ZDHHC14: variants seen among roughly 807,000 people sequenced by gnomAD.
The protein encoded by ZDHHC14 is palmitoyltransferase ZDHHC14.
ZDHHC14 carries 16 observed loss-of-function variants against 47.7 expected under a neutral mutation model. The observed-to-expected ratio is 0.34, with a 90% CI of 0.23 to 0.51. The LOEUF is 0.51. ZDHHC14 is among the 20% of genes least tolerant of loss of function. The probability of loss-of-function intolerance (pLI) is 0.97; values close to 1 mark genes in which losing one functional copy is unlikely to be tolerated. For missense variants in ZDHHC14, 515 were observed against 662.5 expected (o/e 0.78, Z 2.44); for synonymous variants, 293 against 278.9 (o/e 1.05, Z -0.50).
intron 3 of ZDHHC14, among the ~76,000 whole-genome samples, chr6:157,601,471 T>G (rs895334163): frequency 3.9e-5 from 6 of 152,170 alleles, no homozygotes; most frequent in African/African-American, 1.4e-4. Flanking sequence ...AGTTTTTTTA[T>G]GTTTAGTAGG....
chr6:157,478,603 C>T (rs1013392604), intron 1 of ZDHHC14, among the ~76,000 whole-genome samples: 2 of 152,098 alleles, frequency 1.3e-5, no homozygotes, highest in African/African-American at 4.8e-5. Context: ...AAGAATGGTA[C>T]CTTTACGATT....
At position 157,382,017 on chromosome 6, in the gene ZDHHC14, C is replaced by T. The variant is rs749170122; in HGVS notation, c.-5C>T. 12 of 1,490,478 alleles carry T rather than the reference C, an allele frequency of 8.1e-6. No homozygotes were observed. The South Asian group carries it at 9.2e-5, about 11-fold the overall frequency. The allele number at this position is 1,490,478 out of a possible 1,614,324, so 92.3% of individuals were successfully genotyped here. A position where few individuals can be genotyped will look rare whatever the true frequency, so the allele number is the denominator to read the frequency against. On this transcript the variant is annotated 5_prime_UTR_variant, in exon 1 of 9. Transcript: ENST00000359775. The stretch of plus-strand genomic sequence containing the variant: ...GTGTGCGCCCCCAGCCGGCTGCCCT[C>T]GTGGATGCCTCCCGGCGGCGGCGGG...
Position 157,602,506 on chromosome 6 carries a change from A to AAAG in ZDHHC14, c.565+9362_565+9363insGAA, listed in dbSNP as rs71027354. 5.2e-3 allele frequency among the ~76,000 whole-genome samples: 761 copies of AAAG among 145,452 alleles called. 5 individuals carry two copies. The highest frequency in any genetic ancestry group is 6.7e-3 in the Admixed American group (98 of 14,550). ...CTCCGTTTCAAAAAAAAAAAAAAAAAAACGCATTCAGTGCCACCGGGAGCT... is the reference window on the plus strand; with the variant it reads ...CTCCGTTTCAAAAAAAAAAAAAAAAAAAGAACGCATTCAGTGCCACCGGGAGCT... On this transcript the variant is annotated intron_variant, in intron 3 of 8. Transcript: ENST00000359775.
chr6:157,662,329 G>A (rs144726872), intron 8 of ZDHHC14, among the ~76,000 whole-genome samples: 9 of 152,272 alleles, frequency 5.9e-5, no homozygotes, highest in East Asian at 1.9e-4. Context: ...TTACAGGTGC[G>A]CGCCATCATG....
rs1245064574 is a variant in ZDHHC14 at position 157,678,088 on chromosome 6, A to G, written c.*4966A>G. 6.6e-6 allele frequency: 1 copy of G among 152,238 alleles called. No homozygotes were observed. The highest frequency in any genetic ancestry group is 1.5e-5 in the Non-Finnish European group (1 of 68,044). The allele number at this position is 152,238 out of a possible 1,614,324, so 9.4% of individuals were successfully genotyped here. A position where few individuals can be genotyped will look rare whatever the true frequency, so the allele number is the denominator to read the frequency against. Reference sequence around the variant, plus strand: ...GTTTTAATCAATGTTTGCAGAATTTATCTTAAACCTGAGATGAATTAAAAA... The same window carrying G: ...GTTTTAATCAATGTTTGCAGAATTTGTCTTAAACCTGAGATGAATTAAAAA... On this transcript the variant is annotated 3_prime_UTR_variant, in exon 9 of 9. Transcript: ENST00000359775.
intron 3 of ZDHHC14, among the ~76,000 whole-genome samples, chr6:157,618,006 TAG>T (rs756769899): frequency 2.6e-5 from 4 of 152,248 alleles, no homozygotes; most frequent in African/African-American, 4.8e-5. Flanking sequence ...CCGTAATTTC[TAG>T]AGAGTCATTG....
chr6:157,634,520 C>T (rs552991810), intron 5 of ZDHHC14, among the ~76,000 whole-genome samples: 11 of 152,346 alleles, frequency 7.2e-5, no homozygotes, highest in African/African-American at 2.4e-4. Flanking sequence ...TTCCTCAAAG[C>T]TCATAGCCAA....
intron 1 of ZDHHC14, among the ~76,000 whole-genome samples, chr6:157,412,570 G>T (rs550737164): frequency 6.6e-6 from 1 of 152,220 alleles, no homozygotes; most frequent in African/African-American, 2.4e-5. Context: ...TGGGATTACA[G>T]GTGTGAGCCA....
At chr6:157,458,849 A>ATTTTTTTTTTTTTTTTTTTTGTTTT (rs1778993174) in intron 1 of ZDHHC14, among the ~76,000 whole-genome samples, 1 of 81,226 alleles carries the variant, frequency 1.2e-5, no homozygotes, top group South Asian at 5.3e-4. Flanking sequence ...ATGTGGGTGG[A>ATTTTTTTTTTTTTTTTTTTTGTTTT]TTTTTTTTTT....
intron 1 of ZDHHC14, among the ~76,000 whole-genome samples, chr6:157,503,354 T>C (rs1780231846): frequency 2.0e-5 from 3 of 152,208 alleles, no homozygotes; most frequent in Non-Finnish European, 2.9e-5. Flanking sequence ...TTTTTCAAGA[T>C]GCTTCTACTA....
At chr6:157,647,827 G>GGTCAT (rs1777637367) in intron 7 of ZDHHC14, among the ~76,000 whole-genome samples, 2 of 152,190 alleles carry the variant, frequency 1.3e-5, no homozygotes, top group East Asian at 1.9e-4. Flanking sequence ...TTGATACTGT[G>GGTCAT]GTCATGGTAA....
chr6:157,397,159 G>C (rs1459918472), intron 1 of ZDHHC14, among the ~76,000 whole-genome samples: 1 of 152,208 alleles, frequency 6.6e-6, no homozygotes, highest in Non-Finnish European at 1.5e-5. Flanking sequence ...AAGCTTCCCT[G>C]AATGGGAGCC....
chr6:157,508,380 T>C (rs1255480704), intron 1 of ZDHHC14, among the ~76,000 whole-genome samples: 1 of 152,222 alleles, frequency 6.6e-6, no homozygotes, highest in Non-Finnish European at 1.5e-5. Context: ...TTGTATTTTT[T>C]TCTTGAGACA....
At chr6:157,565,486 T>C (rs16900288) in intron 2 of ZDHHC14, among the ~76,000 whole-genome samples, 24,897 of 152,078 alleles carry the variant, frequency 0.16, 2,358 homozygotes, top group African/African-American at 0.26. Flanking sequence ...ACATGCATAT[T>C]GAAGAGCCCA....
At chr6:157,498,334 C>T (rs1273581760) in intron 1 of ZDHHC14, among the ~76,000 whole-genome samples, 5 of 151,114 alleles carry the variant, frequency 3.3e-5, no homozygotes, top group African/African-American at 4.9e-5. Flanking sequence ...GAAGGTAGAG[C>T]GCAGCCCTTA....
intron 3 of ZDHHC14, among the ~76,000 whole-genome samples, chr6:157,613,753 A>C (rs940945515): frequency 6.6e-6 from 1 of 152,142 alleles, no homozygotes; most frequent in Non-Finnish European, 1.5e-5. Context: ...TAGGTCATCC[A>C]TTCTTAACCT....
chr6:157,670,427 G>A (rs970503683), intron 8 of ZDHHC14, among the ~76,000 whole-genome samples: 5 of 152,206 alleles, frequency 3.3e-5, no homozygotes, highest in African/African-American at 1.2e-4. Context: ...CTGAGAAGCT[G>A]GGATTACATT....
At chr6:157,459,318 A>G (rs1280881779) in intron 1 of ZDHHC14, among the ~76,000 whole-genome samples, 6 of 152,232 alleles carry the variant, frequency 3.9e-5, no homozygotes, top group Non-Finnish European at 8.8e-5. Flanking sequence ...TGATGGCAGC[A>G]AGACTTAGAA....
intron 6 of ZDHHC14, among the ~76,000 whole-genome samples, chr6:157,646,612 CAAAAAAA>C (rs5881225): frequency 8.2e-6 from 1 of 121,504 alleles, no homozygotes; most frequent in South Asian, 2.6e-4. Flanking sequence ...CACTCCATCT[CAAAAAAA>C]AAAAAAAAAA....
Sources: gnomAD v4.1 joint callset for allele counts (sites outside exome capture counted in the v4.1 genomes callset) on GRCh38, gnomAD v4.1.1 for gene constraint, MANE v1.5 for transcripts, NCBI Gene and HGNC (gene_info 2026-07-23, HGNC 2026-07-21) for gene names.